Variants in PDE4DIP observed in about 807,000 individuals in gnomAD.
The protein encoded by PDE4DIP is myomegalin.
PDE4DIP carries 59 observed loss-of-function variants against 221.4 expected under a neutral mutation model. The ratio of observed to expected loss-of-function variants is 0.27; its 90% CI spans 0.22 to 0.33. The LOEUF is 0.33. Among genes scored for constraint, PDE4DIP ranks in the 10% least tolerant of loss-of-function variants. PDE4DIP has a pLI of 1.00. For missense variants in PDE4DIP, 1,036 were observed against 2,154.2 expected (o/e 0.48, Z 10.28); for synonymous variants, 404 against 815.9 (o/e 0.50, Z 8.60).
chr1:148,965,097 A>C (rs1311013546), intron 9 of PDE4DIP, among the ~76,000 whole-genome samples: 2 of 152,158 alleles, frequency 1.3e-5, no homozygotes, highest in Admixed American at 6.5e-5. Flanking sequence ...TAGAAAAATA[A>C]ATATGGCAAA....
chr1:148,979,650 C>G lies in PDE4DIP; in HGVS notation c.2575-87C>G, dbSNP rs191504329. 22 of 1,218,740 alleles carry G rather than the reference C, an allele frequency of 1.8e-5. No individual in the cohort carries two copies. The East Asian group carries it at 4.1e-4, about 23-fold the overall frequency. The allele number at this position is 1,218,740 out of a possible 1,614,324, so 75.5% of individuals were successfully genotyped here. ...TACTAAGATAGTGGGCTTTTTAAGT[C>G]ATAGTACATGCTAATGCATTTTCTT... is the stretch of plus-strand genomic sequence containing the variant. On this transcript the variant is annotated intron_variant, in intron 19 of 43. Transcript: ENST00000369354.
At chr1:148,937,829 C>T (rs371734991) in exon 5 of PDE4DIP, 6 of 1,055,514 alleles carry the variant, frequency 5.7e-6, no homozygotes, top group Non-Finnish European at 8.9e-6. Context: ...ACAACTGCTA[C>T]ATCTGTTGGA....
chr1:148,998,238 G>T (rs781965755), exon 23 of PDE4DIP: 3 of 1,583,570 alleles, frequency 1.9e-6, no homozygotes, highest in Non-Finnish European at 2.6e-6. Context: ...ACAGTAACAG[G>T]TGTCTTCAGG....
At chr1:148,958,680 A>G (rs1553505100) in intron 5 of PDE4DIP, among the ~76,000 whole-genome samples, 1 of 150,892 alleles carries the variant, frequency 6.6e-6, no homozygotes, top group Non-Finnish European at 1.5e-5. Context: ...ATGAAAAATC[A>G]TGTAATATTA....
intron 2 of PDE4DIP, chr1:148,866,601 GAAGGA>G (rs1686844485): frequency 2.5e-5 from 1 of 40,354 alleles, no homozygotes; most frequent in Non-Finnish European, 4.6e-5. Context: ...AGGAAGGAAG[GAAGGA>G]AGGGAGGGAG....
At chr1:148,960,203 T>A (rs1224805704) in intron 5 of PDE4DIP, among the ~76,000 whole-genome samples, 1 of 152,296 alleles carries the variant, frequency 6.6e-6, no homozygotes, top group African/African-American at 2.4e-5. Flanking sequence ...TGCCAATTTT[T>A]TCCAATAATG....
intron 4 of PDE4DIP, among the ~76,000 whole-genome samples, chr1:148,936,834 C>T (rs369660693): frequency 5.0e-4 from 75 of 150,990 alleles, no homozygotes; most frequent in African/African-American, 1.7e-3. Context: ...ACATCTTGTC[C>T]GCTGGAAGGT....
chr1:148,884,932 T>C (rs1695337456), upstream of PDE4DIP, among the ~76,000 whole-genome samples: 1 of 148,126 alleles, frequency 6.8e-6, no homozygotes, highest in Non-Finnish European at 1.5e-5. Context: ...GGTATGCTTT[T>C]TATCCTAAAA....
chr1:148,980,921 C>G (rs782150898), intron 20 of PDE4DIP, among the ~76,000 whole-genome samples: 8 of 152,174 alleles, frequency 5.3e-5, no homozygotes, highest in Non-Finnish European at 1.0e-4. Context: ...TTTAGTTTGT[C>G]CTGGGTTTTA....
chr1:149,023,509 C>T (rs1251937801), intron 37 of PDE4DIP, among the ~76,000 whole-genome samples: 30 of 145,980 alleles, frequency 2.1e-4, no homozygotes, highest in Non-Finnish European at 3.9e-4. Flanking sequence ...AAGAAATAGC[C>T]ATGTGGTGAA....
chr1:148,940,725 G>T (rs2050339283), intron 5 of PDE4DIP, among the ~76,000 whole-genome samples: 1 of 149,892 alleles, frequency 6.7e-6, no homozygotes, highest in Non-Finnish European at 1.5e-5. Context: ...CAAGTGTGGA[G>T]AATAGAAAGC....
At chr1:149,032,345 G>A in exon 44 of PDE4DIP, 1 of 556,046 alleles carries the variant, frequency 1.8e-6, no homozygotes. Flanking sequence ...CAGCTGTCCT[G>A]AGATGGAAAA....
At chr1:148,935,255 C>T (rs2048983329) in intron 4 of PDE4DIP, among the ~76,000 whole-genome samples, 1 of 150,914 alleles carries the variant, frequency 6.6e-6, no homozygotes, top group Admixed American at 6.6e-5. Flanking sequence ...CATTTAGTAC[C>T]CAGCAGATTT....
At chr1:148,877,077 AC>A (rs1691728594) in intron 3 of PDE4DIP, among the ~76,000 whole-genome samples, 1 of 146,378 alleles carries the variant, frequency 6.8e-6, no homozygotes. Context: ...TATTCTCTAT[AC>A]CAATACAATA....
intron 5 of PDE4DIP, chr1:148,938,222 A>C (rs1553476744): frequency 1.2e-5 from 2 of 162,860 alleles, no homozygotes; most frequent in Non-Finnish European, 2.7e-5. Flanking sequence ...AGCCAGCAGC[A>C]GAAAGAGTCT....
intron 14 of PDE4DIP, among the ~76,000 whole-genome samples, chr1:148,969,459 A>C (rs1271671717): frequency 6.6e-6 from 1 of 150,608 alleles, no homozygotes; most frequent in Admixed American, 6.6e-5. Context: ...ATAATCTGAT[A>C]ATTTTGAGAG....
In PDE4DIP at chr1:148,938,792, A is replaced by C. The variant is rs1255475381; in HGVS notation, c.636+928A>C. On this transcript the variant is annotated intron_variant, in intron 5 of 43. Coordinates refer to ENST00000369354, the Ensembl canonical transcript of PDE4DIP. ...AATGATAGAAATTTGCCTCCAAAAAAAAATTTTTTTTTTTGAGTTGGAGTC... is the reference window on the plus strand; with the variant it reads ...AATGATAGAAATTTGCCTCCAAAAACAAATTTTTTTTTTTGAGTTGGAGTC... Among the ~76,000 whole-genome samples the C allele has an allele frequency of 2.6e-4, 39 of 152,018 alleles. No homozygotes were observed. The Middle Eastern group carries it at 0.01, about 40-fold the overall frequency.
intron 1 of PDE4DIP, among the ~76,000 whole-genome samples, chr1:148,903,143 T>C (rs2041069229): frequency 1.3e-5 from 2 of 149,588 alleles, no homozygotes; most frequent in African/African-American, 2.5e-5. Context: ...TTGATTTGCA[T>C]TTCCCTGATT....
At chr1:149,018,596 A>G (rs587645692) in exon 35 of PDE4DIP, 2 of 1,585,592 alleles carry the variant, frequency 1.3e-6, no homozygotes, top group Middle Eastern at 3.3e-4. Flanking sequence ...CAGCTCTGCA[A>G]TGAGAACAGA....
Sources: gnomAD v4.1 joint callset for allele counts (sites outside exome capture counted in the v4.1 genomes callset) on GRCh38, gnomAD v4.1.1 for gene constraint, MANE v1.5 for transcripts, NCBI Gene and HGNC (gene_info 2026-07-23, HGNC 2026-07-21) for gene names.